Variants in CTNNA3 observed in about 807,000 individuals in gnomAD.
CTNNA3 encodes the protein catenin alpha-3.
Under a neutral mutation model 95.7 loss-of-function variants are expected in CTNNA3, and 76 were observed. The observed-to-expected ratio is 0.79, with a 90% CI of 0.66 to 0.96. The LOEUF (loss-of-function observed/expected upper bound fraction) is 0.96. Among genes scored for constraint, CTNNA3 ranks in the 40% least tolerant of loss-of-function variants. The pLI, the probability that CTNNA3 is intolerant of heterozygous loss-of-function variation, is 0.00. For missense variants in CTNNA3, 1,191 were observed against 1,089.8 expected, an observed-to-expected ratio of 1.09 and a Z score of -1.31; for synonymous variants, 431 against 374.4, an observed-to-expected ratio of 1.15 and a Z score of -1.74.
At chr10:67,393,311 C>G (rs1265256543) in intron 5 of CTNNA3, among the ~76,000 whole-genome samples, 1 of 151,746 alleles carries the variant, frequency 6.6e-6, no homozygotes, top group Non-Finnish European at 1.5e-5. Flanking sequence ...GGCAAAGGGC[C>G]CTTGCTCATG....
intron 12 of CTNNA3, among the ~76,000 whole-genome samples, chr10:66,286,501 T>C (rs1025243511): frequency 6.1e-5 from 2 of 32,736 alleles, no homozygotes; most frequent in African/African-American, 7.3e-4. Flanking sequence ...GAAAAACAGT[T>C]ACAACAGGGA....
chr10:67,731,120 GAAGTA>G (rs1841271467), intron 1 of CTNNA3, among the ~76,000 whole-genome samples: 1 of 152,114 alleles, frequency 6.6e-6, no homozygotes, highest in African/African-American at 2.4e-5. Context: ...TAGAAAAATA[GAAGTA>G]AATACCAGAA....
intron 7 of CTNNA3, among the ~76,000 whole-genome samples, chr10:66,779,402 G>A (rs961730578): frequency 1.3e-5 from 2 of 151,678 alleles, no homozygotes; most frequent in Non-Finnish European, 2.9e-5. Context: ...TGTTGCCCAG[G>A]CTAGAGTGCA....
At chr10:66,080,594 T>G (rs915543584) in intron 14 of CTNNA3, among the ~76,000 whole-genome samples, 1 of 152,186 alleles carries the variant, frequency 6.6e-6, no homozygotes, top group Non-Finnish European at 1.5e-5. Flanking sequence ...TGCAAGTCCA[T>G]GACTTTTCCT....
intron 5 of CTNNA3, among the ~76,000 whole-genome samples, chr10:67,487,339 C>T (rs1226237121): frequency 2.0e-5 from 3 of 151,992 alleles, no homozygotes; most frequent in Admixed American, 2.0e-4. Context: ...CCTAGGATCA[C>T]CTCCTGTGTG....
chr10:66,745,755 AT>A (rs34185477), intron 9 of CTNNA3, among the ~76,000 whole-genome samples: 60,697 of 127,974 alleles, frequency 0.47, 13,255 homozygotes, highest in Admixed American at 0.53. Flanking sequence ...ACACCTCGCT[AT>A]TTTTTTTTTT....
intron 7 of CTNNA3, among the ~76,000 whole-genome samples, chr10:66,827,481 C>A (rs1842557456): frequency 6.6e-6 from 1 of 152,144 alleles, no homozygotes; most frequent in South Asian, 2.1e-4. Context: ...TTATACCCAG[C>A]ACATAGTAAT....
intron 15 of CTNNA3, among the ~76,000 whole-genome samples, chr10:66,054,128 T>A (rs1411191843): frequency 1.3e-5 from 2 of 152,194 alleles, no homozygotes; most frequent in Non-Finnish European, 2.9e-5. Flanking sequence ...CATTTATCCT[T>A]TGATGGATAC....
chr10:66,360,802 TTCCTTCCTTC>T (rs1184322169), intron 12 of CTNNA3, among the ~76,000 whole-genome samples: 6 of 80,148 alleles, frequency 7.5e-5, no homozygotes, highest in East Asian at 7.7e-4. Flanking sequence ...CCTTCCTTCC[TTCCTTCCTTC>T]CTTCCTTTCT....
intron 5 of CTNNA3, among the ~76,000 whole-genome samples, chr10:67,257,209 T>A (rs182221800): frequency 1.3e-5 from 2 of 152,356 alleles, no homozygotes; most frequent in East Asian, 3.9e-4. Context: ...TGAGAGATAA[T>A]TGCATAGCTA....
At chr10:66,284,034 A>G (rs1237153611) in intron 12 of CTNNA3, among the ~76,000 whole-genome samples, 2 of 151,908 alleles carry the variant, frequency 1.3e-5, no homozygotes, top group African/African-American at 2.4e-5. Flanking sequence ...CATTCTAATC[A>G]ATGGAAATGC....
intron 5 of CTNNA3, among the ~76,000 whole-genome samples, chr10:67,244,840 TC>T (rs998242360): frequency 9.9e-5 from 15 of 152,256 alleles, no homozygotes; most frequent in African/African-American, 3.6e-4. Flanking sequence ...AAATTTGAGC[TC>T]CTGATAGTGC....
chr10:66,567,935 A>T (rs1009253661), intron 10 of CTNNA3, among the ~76,000 whole-genome samples: 2 of 152,166 alleles, frequency 1.3e-5, no homozygotes, highest in African/African-American at 4.8e-5. Context: ...AAATGTTATA[A>T]CTGACACAGT....
At chr10:67,589,605 A>G (rs181737249) in intron 3 of CTNNA3, among the ~76,000 whole-genome samples, 6 of 152,198 alleles carry the variant, frequency 3.9e-5, no homozygotes, top group Admixed American at 6.5e-5. Flanking sequence ...AGCCAGGCTT[A>G]TTTTATATTC....
intron 13 of CTNNA3, among the ~76,000 whole-genome samples, chr10:66,156,816 C>G (rs550482025): frequency 6.6e-6 from 1 of 151,854 alleles, no homozygotes; most frequent in East Asian, 1.9e-4. Context: ...TGCCTTCACT[C>G]ATAATAAGGC....
chr10:66,189,059 T>C (rs2086507062), intron 13 of CTNNA3, among the ~76,000 whole-genome samples: 1 of 152,108 alleles, frequency 6.6e-6, no homozygotes, highest in African/African-American at 2.4e-5. Context: ...TTGCTCACTT[T>C]TTAAATTAGG....
intron 9 of CTNNA3, among the ~76,000 whole-genome samples, chr10:66,729,241 A>T (rs1384756244): frequency 6.6e-6 from 1 of 152,222 alleles, no homozygotes; most frequent in Non-Finnish European, 1.5e-5. Flanking sequence ...GCAAATCAAA[A>T]CCACAAAGAA....
At chr10:66,328,639 T>C (rs749128865) in intron 12 of CTNNA3, among the ~76,000 whole-genome samples, 9 of 151,728 alleles carry the variant, frequency 5.9e-5, no homozygotes, top group Non-Finnish European at 8.8e-5. Context: ...AGGTTCTCCA[T>C]AGAAACAGAA....
intron 6 of CTNNA3, among the ~76,000 whole-genome samples, chr10:67,208,399 C>T (rs1364123416): frequency 7.0e-6 from 1 of 143,750 alleles, no homozygotes; most frequent in Non-Finnish European, 1.5e-5. Flanking sequence ...AAAAAAATAG[C>T]CACAGAAAAC....
Sources: allele counts gnomAD v4.1 joint callset (sites outside exome capture counted in the v4.1 genomes callset), GRCh38; gene constraint gnomAD v4.1.1; transcripts MANE v1.5; gene names NCBI Gene and HGNC (gene_info 2026-07-23, HGNC 2026-07-21).